The following OXR1 variants were observed in gnomAD, a reference collection of about 807,000 sequenced individuals.
OXR1 encodes the protein oxidation resistance protein 1.
In OXR1, 41 loss-of-function variants were observed where a neutral mutation model predicts 104.6. The observed-to-expected ratio is 0.39, with a 90% CI of 0.31 to 0.51. The LOEUF is 0.51. Among genes scored for constraint, OXR1 ranks in the 20% least tolerant of loss-of-function variants. The pLI is 0.77. For synonymous variants in OXR1, 348 were observed against 348.4 expected (o/e 1.00, Z 0.01); for missense variants, 955 against 1,031.9 (o/e 0.93, Z 1.02).
At chr8:106,409,240 A>G (rs756203750) in intron 2 of OXR1, among the ~76,000 whole-genome samples, 2 of 152,066 alleles carry the variant, frequency 1.3e-5, no homozygotes, top group African/African-American at 2.4e-5. Flanking sequence ...AAGACCGACC[A>G]TATATTCTGT....
intron 2 of OXR1, among the ~76,000 whole-genome samples, chr8:106,460,975 AT>A (rs1820876671): frequency 6.6e-6 from 1 of 151,762 alleles, no homozygotes; most frequent in South Asian, 2.1e-4. Context: ...TATATATTTT[AT>A]ATTTATATAT....
At chr8:106,311,083 C>T (rs1813680464) in intron 1 of OXR1, among the ~76,000 whole-genome samples, 2 of 151,942 alleles carry the variant, frequency 1.3e-5, no homozygotes, top group South Asian at 2.1e-4. Flanking sequence ...TTCTAATTTT[C>T]TTATTATTTA....
chr8:106,500,645 G>A (rs985441590), intron 2 of OXR1, among the ~76,000 whole-genome samples: 1 of 152,154 alleles, frequency 6.6e-6, no homozygotes, highest in Non-Finnish European at 1.5e-5. Context: ...TTTTGTCTGT[G>A]GCTCATCCTG....
chr8:106,625,165 G>A (rs1435078316), intron 3 of OXR1, among the ~76,000 whole-genome samples: 1 of 152,100 alleles, frequency 6.6e-6, no homozygotes. Flanking sequence ...CCATAAAAAG[G>A]TCAACTCCCC....
chr8:106,724,696 G>T (rs190774401), intron 11 of OXR1, among the ~76,000 whole-genome samples: 31 of 152,200 alleles, frequency 2.0e-4, no homozygotes, highest in Admixed American at 1.2e-3. Flanking sequence ...ACTGATTTAG[G>T]TCTCTAATGA....
chr8:106,459,102 G>A (rs1190168076), intron 2 of OXR1, among the ~76,000 whole-genome samples: 5 of 152,096 alleles, frequency 3.3e-5, no homozygotes, highest in African/African-American at 1.2e-4. Flanking sequence ...AATTTGGTGA[G>A]CCTGGAGTAG....
chr8:106,360,572 C>G (rs1371136259), intron 2 of OXR1, among the ~76,000 whole-genome samples: 1 of 151,842 alleles, frequency 6.6e-6, no homozygotes, highest in Non-Finnish European at 1.5e-5. Context: ...GAAGGACCCA[C>G]TGTTCATGGA....
intron 1 of OXR1, among the ~76,000 whole-genome samples, chr8:106,274,804 C>T (rs1224780708): frequency 3.3e-5 from 5 of 152,184 alleles, no homozygotes; most frequent in African/African-American, 4.8e-5. Context: ...ATTAGAGAGG[C>T]TTCCTCTTTC....
At chr8:106,711,660 G>T (rs995001594) in intron 10 of OXR1, among the ~76,000 whole-genome samples, 2 of 152,140 alleles carry the variant, frequency 1.3e-5, no homozygotes, top group African/African-American at 4.8e-5. Context: ...TTTGGTGCAT[G>T]CTGGGAGAAA....
intron 2 of OXR1, among the ~76,000 whole-genome samples, chr8:106,483,245 C>A (rs1822248756): frequency 6.6e-6 from 1 of 152,016 alleles, no homozygotes; most frequent in Admixed American, 6.6e-5. Context: ...GAGTTAGTAG[C>A]AATGAAAAGA....
At chr8:106,333,822 G>A (rs78945724) in intron 1 of OXR1, among the ~76,000 whole-genome samples, 3,736 of 152,090 alleles carry the variant, frequency 0.025, 160 homozygotes, top group African/African-American at 0.085. Context: ...TGACCTTTAT[G>A]CTTATCCTAT....
chr8:106,486,094 TAA>T (rs1810634168), intron 2 of OXR1, among the ~76,000 whole-genome samples: 1 of 152,086 alleles, frequency 6.6e-6, no homozygotes, highest in African/African-American at 2.4e-5. Flanking sequence ...TTAAAAATGC[TAA>T]GAGAGTAGAT....
chr8:106,559,681 C>G (rs1816536988), intron 3 of OXR1, among the ~76,000 whole-genome samples: 1 of 151,988 alleles, frequency 6.6e-6, no homozygotes, highest in South Asian at 2.1e-4. Flanking sequence ...GGGTTTTGAC[C>G]CATAGATGGT....
At chr8:106,500,805 A>G (rs538472300) in intron 2 of OXR1, among the ~76,000 whole-genome samples, 56 of 152,374 alleles carry the variant, frequency 3.7e-4, no homozygotes, top group African/African-American at 1.3e-3. Context: ...AATGTGCAAC[A>G]AAATTGCTAT....
intron 1 of OXR1, among the ~76,000 whole-genome samples, chr8:106,315,666 A>G (rs1473885115): frequency 2.0e-5 from 3 of 152,240 alleles, no homozygotes; most frequent in African/African-American, 7.2e-5. Context: ...GTGATGCAGC[A>G]AAGAAATGTG....
chr8:106,672,516 A>AAG (rs67500143), intron 3 of OXR1, among the ~76,000 whole-genome samples: 3 of 146,028 alleles, frequency 2.1e-5, no homozygotes, highest in East Asian at 4.2e-4. Flanking sequence ...GAAAGAAAGA[A>AAG]AGAGAGAGAG....
At chr8:106,456,492 G>A (rs891580499) in intron 2 of OXR1, among the ~76,000 whole-genome samples, 2 of 152,056 alleles carry the variant, frequency 1.3e-5, no homozygotes, top group Non-Finnish European at 2.9e-5. Context: ...TAGCACCATT[G>A]CCTTGTTTTA....
rs146221481 is a variant in OXR1 at position 106,447,940 on chromosome 8, C to T, written c.24-71003C>T. On this transcript the variant is annotated intron_variant, in intron 2 of 16. Coordinates refer to ENST00000517566, the MANE Select transcript of OXR1 (RefSeq NM_001198533.2). ...GGTGGAGCTAACGAGACATCTAGTA[C>T]GGGGCTCACAGGTAACAGAACTCTG... 299 of 1,533,966 alleles carry T rather than the reference C, an allele frequency of 1.9e-4. 4 individuals carry two copies. In the East Asian group the frequency reaches 5.7e-3, roughly 29 times the overall value.
At chr8:106,387,995 AC>A (rs748011115) in intron 2 of OXR1, among the ~76,000 whole-genome samples, 5 of 152,240 alleles carry the variant, frequency 3.3e-5, no homozygotes, top group African/African-American at 9.6e-5. Context: ...AGCAATGTCT[AC>A]TGTATAAAGC....
Sources: gnomAD v4.1 joint callset for allele counts (sites outside exome capture counted in the v4.1 genomes callset) on GRCh38, gnomAD v4.1.1 for gene constraint, MANE v1.5 for transcripts, NCBI Gene and HGNC (gene_info 2026-07-23, HGNC 2026-07-21) for gene names.